PRIM2: variants seen among roughly 807,000 people sequenced by gnomAD.
The protein encoded by PRIM2 is DNA primase subunit 2, also known as DNA primase large subunit.
PRIM2 carries 39 observed loss-of-function variants against 67.3 expected under a neutral mutation model. The observed-to-expected ratio is 0.58, with a 90% CI of 0.45 to 0.76. The LOEUF (loss-of-function observed/expected upper bound fraction) is 0.76, where lower values mean the gene tolerates loss of function less well. PRIM2 is among the 30% of genes least tolerant of loss of function. The pLI, the probability that PRIM2 is intolerant of heterozygous loss-of-function variation, is 0.00. For synonymous variants in PRIM2, 143 were observed against 198.7 expected, an observed-to-expected ratio of 0.72 and a Z score of 2.36; for missense variants, 398 against 598.7, an observed-to-expected ratio of 0.66 and a Z score of 3.50.
chr6:57,432,286 A>G (rs1771861519), intron 7 of PRIM2, among the ~76,000 whole-genome samples: 1 of 152,216 alleles, frequency 6.6e-6, no homozygotes, highest in African/African-American at 2.4e-5. Flanking sequence ...TCTACTGAAA[A>G]TGGCAAAGGA....
At chr6:57,293,404 C>T in the PRIM2 span, among the ~76,000 whole-genome samples, 1 of 152,272 alleles carries the variant, frequency 6.6e-6, no homozygotes, top group Admixed American at 6.5e-5. Flanking sequence ...TAAATTAGTT[C>T]AACCATTGTG....
chr6:57,336,571 A>C (rs2127288384), intron 5 of PRIM2, among the ~76,000 whole-genome samples: 2 of 152,290 alleles, frequency 1.3e-5, no homozygotes, highest in South Asian at 4.1e-4. Flanking sequence ...TCTTAAAGAA[A>C]AGAATTTTCA....
chr6:57,524,289 C>A (rs1774694190), intron 8 of PRIM2, among the ~76,000 whole-genome samples: 1 of 152,198 alleles, frequency 6.6e-6, no homozygotes, highest in Non-Finnish European at 1.5e-5. Context: ...TATTGGAAAA[C>A]TAGCCATGCT....
intron 5 of PRIM2, among the ~76,000 whole-genome samples, chr6:57,368,651 G>A (rs1226470800): frequency 6.6e-6 from 1 of 152,086 alleles, no homozygotes; most frequent in African/African-American, 2.4e-5. Flanking sequence ...TTGGGGATGG[G>A]TATGGCATGT....
At chr6:57,548,827 G>A (rs1342034157) in intron 10 of PRIM2, among the ~76,000 whole-genome samples, 30 of 152,080 alleles carry the variant, frequency 2.0e-4, no homozygotes, top group Admixed American at 1.0e-3. Flanking sequence ...AGTAGGCAGG[G>A]GAATTGCTTA....
chr6:57,371,376 A>G (rs1204602798), intron 5 of PRIM2, among the ~76,000 whole-genome samples: 1 of 152,096 alleles, frequency 6.6e-6, no homozygotes, highest in African/African-American at 2.4e-5. Context: ...TATTAGTGGT[A>G]CTTAGTTATT....
Position 57,637,009 on chromosome 6 carries a change from C to T in PRIM2, c.1299+4808C>T, listed in dbSNP as rs1356894320. On this transcript the variant is annotated intron_variant, in intron 13 of 13. Transcript: ENST00000615550. Reference sequence around the variant, plus strand: ...ACAGACATCTCATACAGGAGAGCTCCGGCTGGCATCTGGTGGGTGCCCCTC... The same window carrying T: ...ACAGACATCTCATACAGGAGAGCTCTGGCTGGCATCTGGTGGGTGCCCCTC... Among the ~76,000 whole-genome samples, 63 of 152,234 alleles carry T rather than the reference C, an allele frequency of 4.1e-4. 1 individual carries two copies. The highest frequency in any genetic ancestry group is 1.2e-3 in the East Asian group (6 of 5,174).
chr6:57,283,064 T>A, the PRIM2 span, among the ~76,000 whole-genome samples: 1 of 152,190 alleles, frequency 6.6e-6, no homozygotes, highest in Non-Finnish European at 1.5e-5. Flanking sequence ...CAGCTATTAC[T>A]CTAGTCCTCC....
chr6:57,419,881 C>T (rs1440683457), intron 7 of PRIM2, among the ~76,000 whole-genome samples: 1 of 152,138 alleles, frequency 6.6e-6, no homozygotes, highest in African/African-American at 2.4e-5. Flanking sequence ...AAGCATATGA[C>T]TTATACTTCG....
intron 7 of PRIM2, among the ~76,000 whole-genome samples, chr6:57,466,737 A>G (rs1773204728): frequency 1.3e-5 from 2 of 152,314 alleles, no homozygotes; most frequent in Admixed American, 1.3e-4. Context: ...AGATGGATAG[A>G]TTGCAAACAT....
chr6:57,519,812 T>A lies in PRIM2; in HGVS notation c.761+12358T>A, dbSNP rs1490245523. ...AATCTTAACAATTTATGCTTAGAGA[T>A]TGCAGTAAAGACAGGCGTAAGAAAT... On this transcript the variant is annotated intron_variant, in intron 8 of 13. Transcript: ENST00000615550. 2.6e-5 allele frequency among the ~76,000 whole-genome samples: 4 copies of A among 152,312 alleles called. No homozygotes were observed. The East Asian group carries it at 7.7e-4, about 29-fold the overall frequency.
chr6:57,539,628 G>C (rs1775096489), intron 10 of PRIM2, among the ~76,000 whole-genome samples: 5 of 64,580 alleles, frequency 7.7e-5, no homozygotes. Context: ...GTGTGTGTGT[G>C]TGTGTGTGTG....
the PRIM2 span, among the ~76,000 whole-genome samples, chr6:57,267,310 G>C: frequency 1.3e-5 from 2 of 152,112 alleles, no homozygotes; most frequent in Non-Finnish European, 2.9e-5. Context: ...GGTGAAAGTA[G>C]TTTACTTGGG....
rs1164767206 is a variant in PRIM2, at chr6:57,581,280, T to C, written c.1021-19813T>C. Among the ~76,000 whole-genome samples the C allele has an allele frequency of 4.4e-4, 67 of 152,282 alleles. No homozygotes were observed. The East Asian group carries it at 0.012, about 27-fold the overall frequency. On this transcript the variant is annotated intron_variant, in intron 10 of 13. Transcript: ENST00000615550. ...CACTCGGCGTACTCCTGTGGTTTTC[T>C]GGTGATACTTGTTTTATGTTGGCTC...
At chr6:57,464,812 C>T (rs1459595175) in intron 7 of PRIM2, among the ~76,000 whole-genome samples, 2 of 152,170 alleles carry the variant, frequency 1.3e-5, no homozygotes, top group Non-Finnish European at 2.9e-5. Flanking sequence ...CCATTACCAC[C>T]ACTTTTTGAA....
chr6:57,445,094 A>C (rs1021684048), intron 7 of PRIM2, among the ~76,000 whole-genome samples: 1 of 152,208 alleles, frequency 6.6e-6, no homozygotes, highest in Non-Finnish European at 1.5e-5. Context: ...CCTGTTGACT[A>C]ATTTCTAACT....
intron 7 of PRIM2, among the ~76,000 whole-genome samples, chr6:57,453,221 A>G (rs1470106915): frequency 1.3e-5 from 2 of 152,204 alleles, no homozygotes; most frequent in Non-Finnish European, 2.9e-5. Flanking sequence ...AGGCAGCATG[A>G]TGCCTCCAGC....
intron 7 of PRIM2, among the ~76,000 whole-genome samples, chr6:57,402,941 G>A: frequency 6.6e-6 from 1 of 151,974 alleles, no homozygotes; most frequent in South Asian, 2.1e-4. Context: ...TGTTATTGTT[G>A]GAGATGTGTT....
Position 57,336,268 on chromosome 6 carries a change from A to G in PRIM2, c.459+10223A>G, listed in dbSNP as rs554694922. ...TGAAAGTGACGGGGAGAATGGAACC[A>G]AGTTGGAAAACACTCTGCAGGATAT... On this transcript the variant is annotated intron_variant, in intron 5 of 13. Transcript: ENST00000615550. Among the ~76,000 whole-genome samples the G allele has an allele frequency of 2.0e-3, 297 of 152,288 alleles. 1 individual carries two copies. The highest frequency in any genetic ancestry group is 0.014 in the Middle Eastern group (4 of 294).
Sources: allele counts gnomAD v4.1 joint callset (sites outside exome capture counted in the v4.1 genomes callset), GRCh38; gene constraint gnomAD v4.1.1; transcripts MANE v1.5; gene names NCBI Gene and HGNC (gene_info 2026-07-23, HGNC 2026-07-21).